Variants in GRM8 observed in about 807,000 individuals in gnomAD.
GRM8 encodes metabotropic glutamate receptor 8.
In GRM8, 47 loss-of-function variants were observed where a neutral mutation model predicts 87.2. That is an observed-to-expected ratio of 0.54 (90% CI 0.43 to 0.69). GRM8 has a LOEUF of 0.69. Ranked by LOEUF, GRM8 falls within the 30% of genes least tolerant of loss-of-function variation. GRM8 has a pLI of 0.00. For missense variants in GRM8, 1,019 were observed against 1,139.2 expected (o/e 0.89, Z 1.52); for synonymous variants, 396 against 404.5 (o/e 0.98, Z 0.25).
intron 6 of GRM8, among the ~76,000 whole-genome samples, chr7:126,867,435 T>G (rs1434869196): frequency 1.3e-5 from 2 of 152,240 alleles, no homozygotes; most frequent in African/African-American, 4.8e-5. Flanking sequence ...GACATTTAGT[T>G]GTATTGACTG....
At chr7:126,549,551 G>A (rs1792344119) in intron 8 of GRM8, among the ~76,000 whole-genome samples, 2 of 152,106 alleles carry the variant, frequency 1.3e-5, no homozygotes, top group Non-Finnish European at 2.9e-5. Flanking sequence ...CTAAATGGTT[G>A]TAGTTTATGT....
intron 6 of GRM8, among the ~76,000 whole-genome samples, chr7:126,777,981 T>C (rs569957363): frequency 6.0e-4 from 91 of 152,294 alleles, no homozygotes; most frequent in Non-Finnish European, 1.1e-3. Context: ...TCTGAGTCTA[T>C]GCCTTTATAT....
At chr7:126,609,165 T>TA (rs1798663002) in intron 8 of GRM8, among the ~76,000 whole-genome samples, 197 bp downstream of exon 8, 2 of 151,206 alleles carry the variant, frequency 1.3e-5, no homozygotes, top group Admixed American at 6.6e-5. Flanking sequence ...ATTAAATTCT[T>TA]ACAGATATCA....
intron 3 of GRM8, among the ~76,000 whole-genome samples, chr7:127,088,632 G>T (rs187628674): frequency 5.6e-4 from 86 of 152,314 alleles, no homozygotes; most frequent in Non-Finnish European, 1.1e-3. Context: ...GAAAGTTACA[G>T]TCTACGTAGA....
chr7:127,136,083 C>G (rs1456133031), intron 2 of GRM8, among the ~76,000 whole-genome samples: 1 of 152,122 alleles, frequency 6.6e-6, no homozygotes, highest in Non-Finnish European at 1.5e-5. Flanking sequence ...TTATGAAGCA[C>G]TTTCACTAAC....
intron 7 of GRM8, among the ~76,000 whole-genome samples, chr7:126,632,539 C>A (rs539716137): frequency 2.0e-5 from 3 of 152,180 alleles, no homozygotes; most frequent in Admixed American, 2.0e-4. Context: ...TCAGTATATA[C>A]CCAAAGGAAT....
At chr7:126,683,166 G>A (rs1807798596) in intron 7 of GRM8, among the ~76,000 whole-genome samples, 1 of 152,226 alleles carries the variant, frequency 6.6e-6, no homozygotes, top group Non-Finnish European at 1.5e-5. Context: ...CTGCGCAAGT[G>A]AGAAACTTGT....
chr7:126,966,798 T>C (rs1809915575), intron 3 of GRM8, among the ~76,000 whole-genome samples: 2 of 151,824 alleles, frequency 1.3e-5, no homozygotes. Context: ...CAGAAAAAAA[T>C]GAGTCAATTA....
At chr7:127,158,609 G>A (rs1269631114) in intron 2 of GRM8, among the ~76,000 whole-genome samples, 4 of 152,208 alleles carry the variant, frequency 2.6e-5, no homozygotes, top group African/African-American at 9.6e-5. Flanking sequence ...CCTTGCTAAT[G>A]TGTCACCACA....
intron 9 of GRM8, among the ~76,000 whole-genome samples, chr7:126,530,805 A>T (rs531718095): frequency 6.6e-6 from 1 of 152,102 alleles, no homozygotes; most frequent in Non-Finnish European, 1.5e-5. Context: ...ATTCTCAAGC[A>T]TTTATTTATT....
At position 126,509,332 on chromosome 7, in the gene GRM8, C is replaced by T. The variant is rs144873003; in HGVS notation, c.2430+23620G>A. ...TGGCTTATGACACCAGAAAGACAGA[C>T]ACTTGAGGCAATAAAGGTCATTATT... On this transcript the variant is annotated intron_variant, in intron 9 of 10. Transcript: ENST00000339582. 7.2e-3 allele frequency among the ~76,000 whole-genome samples: 1,093 copies of T among 152,066 alleles called. 4 individuals are homozygous for T. The highest frequency in any genetic ancestry group is 0.012 in the Non-Finnish European group (810 of 67,946).
At chr7:126,854,345 C>G (rs1333907777) in intron 6 of GRM8, among the ~76,000 whole-genome samples, 2 of 152,204 alleles carry the variant, frequency 1.3e-5, no homozygotes, top group African/African-American at 4.8e-5. Context: ...ATTGAACTAT[C>G]TTCCATCTCC....
At chr7:126,784,986 T>G (rs1403085088) in intron 6 of GRM8, among the ~76,000 whole-genome samples, 1 of 152,168 alleles carries the variant, frequency 6.6e-6, no homozygotes, top group African/African-American at 2.4e-5. Context: ...TGTAAGCACA[T>G]AGTAACCATT....
intron 2 of GRM8, among the ~76,000 whole-genome samples, chr7:127,220,288 T>G (rs1306087408): frequency 6.6e-6 from 1 of 152,108 alleles, no homozygotes; most frequent in Non-Finnish European, 1.5e-5. Flanking sequence ...CCTCCTCCAC[T>G]GACCAGGGCA....
At chr7:127,019,738 C>T (rs961779249) in intron 3 of GRM8, among the ~76,000 whole-genome samples, 5 of 152,016 alleles carry the variant, frequency 3.3e-5, no homozygotes, top group Admixed American at 3.3e-4. Context: ...AAGTCAAAAA[C>T]CTTAAGATTT....
Position 126,898,411 on chromosome 7 carries a change from T to C in GRM8, c.1156+4131A>G, listed in dbSNP as rs13308835. On this transcript the variant is annotated intron_variant, in intron 6 of 10. Transcript: ENST00000339582. ...TGAAAACTGTCATATGTTGCTTTTT[T>C]AAAAAATTAAATTAGTGTTATTTGT... 3.3e-5 allele frequency among the ~76,000 whole-genome samples: 5 copies of C among 152,314 alleles called. No individual in the cohort carries two copies. The South Asian group carries it at 1.0e-3, about 32-fold the overall frequency.
intron 3 of GRM8, among the ~76,000 whole-genome samples, chr7:127,082,918 G>GA (rs1823028129): frequency 6.6e-6 from 1 of 152,186 alleles, no homozygotes; most frequent in African/African-American, 2.4e-5. Context: ...AGCGGGATCG[G>GA]AACCCAGGCA....
chr7:126,574,336 A>C (rs1794935080), intron 8 of GRM8, among the ~76,000 whole-genome samples: 1 of 152,234 alleles, frequency 6.6e-6, no homozygotes, highest in African/African-American at 2.4e-5. Flanking sequence ...TTTTGGCTGG[A>C]ATATAATACA....
intron 3 of GRM8, among the ~76,000 whole-genome samples, chr7:126,995,762 A>C (rs1444415188): frequency 6.6e-6 from 1 of 152,126 alleles, no homozygotes; most frequent in Non-Finnish European, 1.5e-5. Context: ...TTGGCCTTAA[A>C]GAGGAAGTAG....
Sources: allele counts gnomAD v4.1 joint callset (sites outside exome capture counted in the v4.1 genomes callset), GRCh38; gene constraint gnomAD v4.1.1; transcripts MANE v1.5; gene names NCBI Gene and HGNC (gene_info 2026-07-23, HGNC 2026-07-21).